The following SEMA4F variants were observed in gnomAD, a reference collection of about 807,000 sequenced individuals.
SEMA4F encodes ssemaphorin 4F.
A neutral mutation model predicts 78.4 loss-of-function variants in SEMA4F; 51 were observed. The ratio of observed to expected loss-of-function variants is 0.65; its 90% CI spans 0.52 to 0.82. The LOEUF is 0.82. Ranked by LOEUF, SEMA4F falls within the 40% of genes least tolerant of loss-of-function variation. The pLI, the probability that SEMA4F is intolerant of heterozygous loss-of-function variation, is 0.00. For synonymous variants in SEMA4F, 418 were observed against 408.7 expected, an observed-to-expected ratio of 1.02 and a Z score of -0.27; for missense variants, 938 against 1,014.4, an observed-to-expected ratio of 0.92 and a Z score of 1.02.
At chr2:74,664,287 A>G (rs561813371) in intron 5 of SEMA4F, among the ~76,000 whole-genome samples, 1 of 152,372 alleles carries the variant, frequency 6.6e-6, no homozygotes, top group African/African-American at 2.4e-5. Context: ...AGGCATTTCT[A>G]TATAATTTAA....
intron 5 of SEMA4F, among the ~76,000 whole-genome samples, chr2:74,670,473 A>G (rs1320291994): frequency 6.6e-6 from 1 of 152,050 alleles, no homozygotes; most frequent in Non-Finnish European, 1.5e-5. Flanking sequence ...AGTATTTCTG[A>G]GCTCCAGTGT....
chr2:74,670,121 T>C (rs1684906564), intron 5 of SEMA4F, among the ~76,000 whole-genome samples: 1 of 152,206 alleles, frequency 6.6e-6, no homozygotes, highest in Non-Finnish European at 1.5e-5. Flanking sequence ...CCTTGATCCA[T>C]TCAGCAATAA....
At chr2:74,677,153 T>C (rs147752076) in intron 12 of SEMA4F, among the ~76,000 whole-genome samples, 206 of 152,288 alleles carry the variant, frequency 1.4e-3, no homozygotes, top group African/African-American at 4.7e-3. Flanking sequence ...CCACTTGCCT[T>C]GGCCTCCCAA....
rs535062499 is a variant in SEMA4F at position 74,682,643 on chromosome 2, T to G, written c.*2434T>G. The stretch of plus-strand genomic sequence containing the variant: ...TATAGAATGGAGGAAGGCTGTGTGT[T>G]CTTTGGTTTACCCTCAGCCTATCTT... On this transcript the variant is annotated 3_prime_UTR_variant, in exon 14 of 14. Transcript: ENST00000357877. 2 of 152,268 alleles carry G rather than the reference T, an allele frequency of 1.3e-5. No individual in the cohort carries two copies. Among genetic ancestry groups the G allele is most frequent in the African/African-American group, 4.8e-5 (2 of 41,558 alleles). 9.4% of individuals were successfully genotyped at this position (152,268 alleles called of 1,614,324 possible).
intron 5 of SEMA4F, among the ~76,000 whole-genome samples, chr2:74,668,185 G>T (rs201167424): frequency 4.1e-5 from 6 of 144,896 alleles, no homozygotes; most frequent in Non-Finnish European, 7.4e-5. Context: ...GCAGAAGACT[G>T]CTCTTTCTCT....
chr2:74,698,423 T>C, the SEMA4F span, among the ~76,000 whole-genome samples: 1 of 152,196 alleles, frequency 6.6e-6, no homozygotes, highest in Non-Finnish European at 1.5e-5. Flanking sequence ...TAGATGTTCA[T>C]GGAGCTGGCT....
At chr2:74,687,932 T>G (rs1685853982), downstream of SEMA4F, among the ~76,000 whole-genome samples, 1 of 152,164 alleles carries the variant, frequency 6.6e-6, no homozygotes, top group Non-Finnish European at 1.5e-5. Context: ...AACACCACTT[T>G]GCAAGCATAA....
chr2:74,668,664 G>T (rs1478872861), intron 5 of SEMA4F, among the ~76,000 whole-genome samples: 1 of 150,478 alleles, frequency 6.6e-6, no homozygotes, highest in Non-Finnish European at 1.5e-5. Flanking sequence ...AGGCTGGAGT[G>T]CAGTGGCGTG....
chr2:74,663,611 G>A (rs542731203), intron 5 of SEMA4F, among the ~76,000 whole-genome samples: 46 of 152,286 alleles, frequency 3.0e-4, no homozygotes, highest in Middle Eastern at 3.4e-3. Context: ...AGGGTGAAGG[G>A]GAGCCAGTGT....
chr2:74,672,792 C>T (rs1685053982), intron 5 of SEMA4F, among the ~76,000 whole-genome samples: 1 of 152,124 alleles, frequency 6.6e-6, no homozygotes, highest in Non-Finnish European at 1.5e-5. Flanking sequence ...TCCTGGCTGC[C>T]TGTGAAATCT....
In SEMA4F at chr2:74,654,373, A is replaced by G. The variant is rs1416501402; in HGVS notation, c.-4A>G. 4.0e-6 allele frequency: 6 copies of G among 1,497,334 alleles called. No individual in the cohort carries two copies. Among genetic ancestry groups the G allele is most frequent in the African/African-American group, 1.5e-5 (1 of 68,586 alleles). The allele number at this position is 1,497,334 out of a possible 1,614,324, so 92.8% of individuals were successfully genotyped here. ...GCCGCACCCGCGGCCAGGCGGAGCC[A>G]AAGATGCCGGCCTCTGCTGCGCGGC... On this transcript the variant is annotated 5_prime_UTR_variant, in exon 1 of 14. Transcript: ENST00000357877.
intron 5 of SEMA4F, among the ~76,000 whole-genome samples, chr2:74,670,794 GCTGCTCCATTTT>G (rs1190512317): frequency 6.6e-6 from 1 of 152,154 alleles, no homozygotes; most frequent in African/African-American, 2.4e-5. Flanking sequence ...TGGCTCATTT[GCTGCTCCATTTT>G]CTGCCAGGAC....
intron 5 of SEMA4F, among the ~76,000 whole-genome samples, chr2:74,669,163 C>G (rs573131414): frequency 1.3e-5 from 2 of 152,116 alleles, no homozygotes; most frequent in Non-Finnish European, 2.9e-5. Context: ...AAAAAATTAG[C>G]CAGGCATAGT....
Position 74,683,594 on chromosome 2 carries a change from C to G in SEMA4F, c.*3385C>G, listed in dbSNP as rs958603561. 1 of 152,244 alleles carries G rather than the reference C, an allele frequency of 6.6e-6. No homozygotes were observed. Among genetic ancestry groups the G allele is most frequent in the African/African-American group, 2.4e-5 (1 of 41,384 alleles). The allele number at this position is 152,244 out of a possible 1,614,324, so 9.4% of individuals were successfully genotyped here. A position where few individuals can be genotyped will look rare whatever the true frequency, so the allele number is the denominator to read the frequency against. On this transcript the variant is annotated 3_prime_UTR_variant, in exon 14 of 14. Coordinates refer to ENST00000357877, the MANE Select transcript of SEMA4F (RefSeq NM_004263.5). ...GCATAGAGGATTGTGAGAAAGGGTC[C>G]CCATGCTTGGTGTGGAAGGAGGGAG...
the SEMA4F span, among the ~76,000 whole-genome samples, chr2:74,700,285 G>A: frequency 3.2e-4 from 48 of 152,124 alleles, no homozygotes; most frequent in Non-Finnish European, 4.7e-4. Flanking sequence ...TGACGTAGTA[G>A]ATGAGGTCAT....
chr2:74,687,421 T>A (rs961771587), downstream of SEMA4F, among the ~76,000 whole-genome samples: 1 of 152,236 alleles, frequency 6.6e-6, no homozygotes, highest in African/African-American at 2.4e-5. Context: ...TTTGCTTAGT[T>A]TAATTATTTT....
At chr2:74,676,544 T>A (rs539563201) in intron 12 of SEMA4F, among the ~76,000 whole-genome samples, 1 of 152,340 alleles carries the variant, frequency 6.6e-6, no homozygotes, top group East Asian at 1.9e-4. Flanking sequence ...TTCTCTCACA[T>A]GCTCCTCCTC....
intron 5 of SEMA4F, among the ~76,000 whole-genome samples, chr2:74,664,310 A>G (rs1684577867): frequency 6.6e-6 from 1 of 152,218 alleles, no homozygotes; most frequent in Non-Finnish European, 1.5e-5. Flanking sequence ...ATTCATTGTA[A>G]AGATAATGTT....
intron 1 of SEMA4F, among the ~76,000 whole-genome samples, chr2:74,655,852 AGTCT>A (rs1684107167): frequency 6.6e-6 from 1 of 152,104 alleles, no homozygotes; most frequent in Admixed American, 6.6e-5. Flanking sequence ...TCCAGTCTGC[AGTCT>A]TGAGGGTACT....
Sources: gnomAD v4.1 joint callset for allele counts (sites outside exome capture counted in the v4.1 genomes callset) on GRCh38, gnomAD v4.1.1 for gene constraint, MANE v1.5 for transcripts, NCBI Gene and HGNC (gene_info 2026-07-23, HGNC 2026-07-21) for gene names.